The following MC2R variants were observed in gnomAD, a reference collection of about 807,000 sequenced individuals.
The protein encoded by MC2R is melanocortin 2 receptor.
Under a neutral mutation model 9.8 loss-of-function variants are expected in MC2R, and 9 were observed. That is an observed-to-expected ratio of 0.92 (90% CI 0.55 to 1.60). The LOEUF is 1.60. MC2R is among the 40% of genes most tolerant of loss of function. The pLI is 0.00. For synonymous variants in MC2R, 185 were observed against 154.7 expected, an observed-to-expected ratio of 1.20 and a Z score of -1.45; for missense variants, 370 against 389.0, an observed-to-expected ratio of 0.95 and a Z score of 0.41.
intron 1 of MC2R, among the ~76,000 whole-genome samples, chr18:13,888,568 T>C (rs1163334419): frequency 6.6e-6 from 1 of 152,162 alleles, no homozygotes; most frequent in Non-Finnish European, 1.5e-5. Context: ...TCACACTCCT[T>C]TCACAAGTGG....
chr18:13,902,992 A>G (rs1479589507), intron 1 of MC2R, among the ~76,000 whole-genome samples: 3 of 152,236 alleles, frequency 2.0e-5, no homozygotes, highest in African/African-American at 7.2e-5. Context: ...ACAACTCTAC[A>G]GGATAAAGTC....
chr18:13,898,924 A>G (rs549399887), intron 1 of MC2R, among the ~76,000 whole-genome samples: 9 of 152,344 alleles, frequency 5.9e-5, no homozygotes, highest in Non-Finnish European at 8.8e-5. Flanking sequence ...CAGCCAGTGA[A>G]GACTACAGTA....
At chr18:13,893,909 G>A (rs1314598735) in intron 1 of MC2R, among the ~76,000 whole-genome samples, 1 of 152,204 alleles carries the variant, frequency 6.6e-6, no homozygotes, top group Non-Finnish European at 1.5e-5. Context: ...TCTGTTCTAA[G>A]AATAGATTTG....
intron 1 of MC2R, among the ~76,000 whole-genome samples, chr18:13,888,503 G>C (rs767458041): frequency 1.3e-5 from 2 of 152,164 alleles, no homozygotes; most frequent in African/African-American, 4.8e-5. Flanking sequence ...TTGGGCAAAC[G>C]CCCAAAGCCA....
intron 1 of MC2R, among the ~76,000 whole-genome samples, chr18:13,912,844 A>C (rs2149144775): frequency 6.6e-6 from 1 of 152,260 alleles, no homozygotes; most frequent in South Asian, 2.1e-4. Context: ...GCTCATCTGA[A>C]TCCAGCGCAC....
At position 13,883,603 on chromosome 18, in the gene MC2R, ACACACACACACACACACACACACACT is replaced by A. The variant is rs1361716445; in HGVS notation, c.*996_*1021del. On this transcript the variant is annotated 3_prime_UTR_variant, in exon 2 of 2. Coordinates refer to ENST00000327606, the MANE Select transcript of MC2R (RefSeq NM_000529.2). Reference sequence around the variant, plus strand: ...CACACACACACACACACACACACACACACACACACACACACACACACACACTCTCTCTCTCTCTCTCTCTCTCTCTC... The same window carrying A: ...CACACACACACACACACACACACACACTCTCTCTCTCTCTCTCTCTCTCTC... 49 of 110,136 alleles carry A rather than the reference ACACACACACACACACACACACACACT, an allele frequency of 4.4e-4. No homozygotes were observed. Among genetic ancestry groups the A allele is most frequent in the Non-Finnish European group, 6.6e-4 (36 of 54,760 alleles). The allele number at this position is 110,136 out of a possible 1,614,324, so 6.8% of individuals were successfully genotyped here.
chr18:13,915,229 T>C (rs2045469381), intron 1 of MC2R, among the ~76,000 whole-genome samples: 2 of 152,170 alleles, frequency 1.3e-5, no homozygotes, highest in African/African-American at 2.4e-5. Flanking sequence ...CAATGACAAT[T>C]TGAAGAGTAC....
At position 13,884,875 on chromosome 18, in the gene MC2R, A is replaced by T. The variant is rs368472660; in HGVS notation, c.644T>A (p.Met215Lys). 53 of 1,613,858 alleles carry T rather than the reference A, an allele frequency of 3.3e-5. No individual in the cohort carries two copies. The highest frequency in any genetic ancestry group is 4.2e-5 in the Non-Finnish European group (50 of 1,180,008). The part of the protein sequence containing the change: ...RKISTLPRAN[M>K]KGAITLTILL... The stretch of plus-strand genomic sequence containing the variant: ...GATGGTCAGTGTGATGGCCCCTTTC[A>T]TGTTGGCTCTGGGGAGGGTGGAGAT... Residue 215 changes from methionine (M) to lysine (K), a missense_variant, in exon 2 of 2, where the codon ATG becomes AAG. Physicochemically the swap from Met to Lys is moderately conservative, Grantham distance 95. Transcript: ENST00000327606.
In MC2R at chr18:13,909,645, G is replaced by A. The variant is rs145056040; in HGVS notation, c.-129+5843C>T. On this transcript the variant is annotated intron_variant, in intron 1 of 1. Coordinates refer to ENST00000327606, the MANE Select transcript of MC2R (RefSeq NM_000529.2). ...TTTAGATTATAATCCAATGCTATTT[G>A]ATTTGTTTTATTGCTTAAATTGTTC... Among the ~76,000 whole-genome samples the A allele has an allele frequency of 1.2e-3, 181 of 152,234 alleles. 4 individuals are homozygous for A. In the Middle Eastern group the frequency reaches 0.017, roughly 14 times the overall value.
At chr18:13,894,646 C>T (rs1052670559) in intron 1 of MC2R, among the ~76,000 whole-genome samples, 1 of 152,210 alleles carries the variant, frequency 6.6e-6, no homozygotes, top group Non-Finnish European at 1.5e-5. Flanking sequence ...TTGGCACTTA[C>T]AGCTCTGTAC....
At position 13,885,260 on chromosome 18, in the gene MC2R, T is replaced by C. The variant is rs1435426795; in HGVS notation, c.259A>G (p.Arg87Gly). ...KILENILIIL[R>G]NMGYLKPRGS... ...CGTGGCTTGAGATAGCCCATGTTTC[T>C]CAATATGATCAGGATATTTTCCAAG... Residue 87 changes from arginine to glycine, a missense_variant, in exon 2 of 2, where the codon AGA (arginine) becomes GGA (glycine). Physicochemically the swap from Arg to Gly is moderately radical, Grantham distance 125 (BLOSUM62 -2). Coordinates refer to ENST00000327606, the MANE Select transcript of MC2R (RefSeq NM_000529.2). 1 of 1,614,134 alleles carries C rather than the reference T, an allele frequency of 6.2e-7. No homozygotes were observed.
chr18:13,882,179 A>C lies in MC2R; in HGVS notation c.*2446T>G, dbSNP rs2045235583. ...ACTCACAGTATCCACACAGCAGTTT[A>C]AAAATTGGGTAATTTGATAAAAGAA... On this transcript the variant is annotated 3_prime_UTR_variant, in exon 2 of 2. Coordinates refer to ENST00000327606, the MANE Select transcript of MC2R (RefSeq NM_000529.2). 6.6e-6 allele frequency: 1 copy of C among 152,166 alleles called. No individual in the cohort carries two copies. Among genetic ancestry groups the C allele is most frequent in the Admixed American group, 6.5e-5 (1 of 15,286 alleles). 9.4% of individuals were successfully genotyped at this position (152,166 alleles called of 1,614,324 possible).
rs2045353431 is a variant in MC2R at position 13,897,500 on chromosome 18, TG to T, written c.-128-11855del. Among the ~76,000 whole-genome samples, 6 of 152,020 alleles carry T rather than the reference TG, an allele frequency of 3.9e-5. No homozygotes were observed. In the South Asian group the frequency reaches 1.2e-3, roughly 32 times the overall value. ...GAACTAGGCCCAGAGACAGCGGACT[TG>T]GGGGGCGCACAACCTACTGAGATAC... On this transcript the variant is annotated intron_variant, in intron 1 of 1. Coordinates refer to ENST00000327606, the MANE Select transcript of MC2R (RefSeq NM_000529.2).
Position 13,885,635 on chromosome 18 carries a change from T to A in MC2R, c.-117A>T, listed in dbSNP as rs886053652. 7 of 1,173,112 alleles carry A rather than the reference T, an allele frequency of 6.0e-6. No homozygotes were observed. In the Admixed American group the frequency reaches 1.4e-4, roughly 24 times the overall value. 72.7% of individuals were successfully genotyped at this position (1,173,112 alleles called of 1,614,324 possible). ...CACTTGCTGGAGATCTAAGTTAAAA[T>A]CTCCCAATCACCTAAAAGGGAGTAT... is the stretch of plus-strand genomic sequence containing the variant. On this transcript the variant is annotated 5_prime_UTR_variant, in exon 2 of 2. Transcript: ENST00000327606.
intron 1 of MC2R, among the ~76,000 whole-genome samples, chr18:13,893,111 C>T (rs1394214395): frequency 6.6e-6 from 1 of 152,202 alleles, no homozygotes; most frequent in African/African-American, 2.4e-5. Flanking sequence ...ACTGAATATC[C>T]TCTTTTTAGA....
In MC2R at chr18:13,884,809, A is replaced by G; in HGVS notation, c.710T>C (p.Leu237Pro). Reference sequence around the variant, plus strand: ...GCAGAATGTCATCAAGAGGACATGAAGCACAAAGGGGGCCCAGCAGAAGAT... The same window carrying G: ...GCAGAATGTCATCAAGAGGACATGAGGCACAAAGGGGGCCCAGCAGAAGAT... ...VFIFCWAPFV[L>P]HVLLMTFCPS... Residue 237 changes from leucine to proline, a missense_variant, in exon 2 of 2, where the codon CTT (leucine) becomes CCT (proline). Leu to Pro is a moderately conservative substitution (Grantham distance 98, BLOSUM62 -3). Coordinates refer to ENST00000327606, the MANE Select transcript of MC2R (RefSeq NM_000529.2). 6.2e-7 allele frequency: 1 copy of G among 1,614,024 alleles called. No homozygotes were observed. The highest frequency in any genetic ancestry group is 8.5e-7 in the Non-Finnish European group (1 of 1,180,012).
At chr18:13,894,548 T>C (rs2149138294) in intron 1 of MC2R, among the ~76,000 whole-genome samples, 1 of 152,364 alleles carries the variant, frequency 6.6e-6, no homozygotes, top group Non-Finnish European at 1.5e-5. Flanking sequence ...CCAGCCCAGA[T>C]CCTGGAACAC....
chr18:13,913,898 G>A (rs2045461226), intron 1 of MC2R, among the ~76,000 whole-genome samples: 1 of 152,194 alleles, frequency 6.6e-6, no homozygotes, highest in Non-Finnish European at 1.5e-5. Flanking sequence ...GACCATGTCT[G>A]AGGCTGAGCC....
In MC2R at chr18:13,885,405, T is replaced by A. The variant is rs769766667; in HGVS notation, c.114A>T (p.Gly38=). 3 of 1,613,928 alleles carry A rather than the reference T, an allele frequency of 1.9e-6. No homozygotes were observed. The highest frequency in any genetic ancestry group is 2.5e-6 in the Non-Finnish European group (3 of 1,179,850). Residue 38 remains glycine, a synonymous_variant, in exon 2 of 2, where the codon GGA becomes GGT. Coordinates refer to ENST00000327606, the MANE Select transcript of MC2R (RefSeq NM_000529.2). ...GCAGGACGATCAGATTCTCCAAAACTCCAACAATGGAAATTGTGAAAAATA... is the reference window on the plus strand; with the variant it reads ...GCAGGACGATCAGATTCTCCAAAACACCAACAATGGAAATTGTGAAAAATA... The part of the protein sequence containing the change: ...EEIFFTISIV[G]VLENLIVLLA...
Sources: gnomAD v4.1 joint callset for allele counts (sites outside exome capture counted in the v4.1 genomes callset) on GRCh38, gnomAD v4.1.1 for gene constraint, MANE v1.5 for transcripts, NCBI Gene and HGNC (gene_info 2026-07-23, HGNC 2026-07-21) for gene names.